Variants in FOXK2 observed in about 807,000 individuals in gnomAD.
FOXK2 encodes forkhead box K2, also known as forkhead box protein K2.
In FOXK2, 24 loss-of-function variants were observed where a neutral mutation model predicts 53.3. The observed-to-expected ratio is 0.45, with a 90% CI of 0.33 to 0.63. FOXK2 has a LOEUF of 0.63. FOXK2 is among the 30% of genes least tolerant of loss of function. FOXK2 has a pLI of 0.03. For missense variants in FOXK2, 952 were observed against 910.5 expected (o/e 1.05, Z -0.59); for synonymous variants, 505 against 407.1 (o/e 1.24, Z -2.89).
chr17:82,543,715 C>G (rs1343135875), intron 1 of FOXK2, among the ~76,000 whole-genome samples: 2 of 150,912 alleles, frequency 1.3e-5, no homozygotes, highest in Non-Finnish European at 2.9e-5. Flanking sequence ...CTCCTGGCCT[C>G]AAGTGATCCT....
In FOXK2 at chr17:82,526,830, C is replaced by CA. The variant is rs140941748; in HGVS notation, c.419+6539dup. Among the ~76,000 whole-genome samples the CA allele has an allele frequency of 2.1e-3, 259 of 121,378 alleles. 2 individuals are homozygous for CA. In the East Asian group the frequency reaches 0.021, roughly 10 times the overall value. The allele number at this position is 121,378 out of a possible 152,430, so 79.6% of individuals were successfully genotyped here. On this transcript the variant is annotated intron_variant, in intron 1 of 8. Coordinates refer to ENST00000335255, the MANE Select transcript of FOXK2 (RefSeq NM_004514.4). ...TGGGCGACAGAGCGAGACTCCGTCT[C>CA]AAAAAAAAAAAAAAAAGAAAGAAAT...
At chr17:82,520,553 C>T (rs2044351057) in intron 1 of FOXK2, among the ~76,000 whole-genome samples, 2 of 152,216 alleles carry the variant, frequency 1.3e-5, no homozygotes, top group Non-Finnish European at 2.9e-5. Context: ...TTCCTGGAGC[C>T]GGGGCTGCGG....
intron 8 of FOXK2, chr17:82,601,084 G>T: frequency 2.0e-6 from 1 of 498,350 alleles, no homozygotes; most frequent in South Asian, 3.8e-5. Context: ...GGGTCCCAAG[G>T]GCCCAGCCCA....
intron 6 of FOXK2, among the ~76,000 whole-genome samples, chr17:82,584,827 C>G (rs1387048387): frequency 1.3e-5 from 2 of 152,210 alleles, no homozygotes; most frequent in African/African-American, 2.4e-5. Context: ...GCTGGGCGTA[C>G]AGGCGTGAGC....
intron 3 of FOXK2, among the ~76,000 whole-genome samples, chr17:82,571,267 C>T (rs1208886279): frequency 2.0e-5 from 3 of 152,102 alleles, no homozygotes; most frequent in African/African-American, 7.2e-5. Context: ...CCATTTGTTT[C>T]CTCCATGTTT....
intron 3 of FOXK2, among the ~76,000 whole-genome samples, chr17:82,568,501 T>C (rs1196940402): frequency 2.6e-5 from 4 of 152,206 alleles, no homozygotes; most frequent in Non-Finnish European, 5.9e-5. Flanking sequence ...GTGGAGCTCA[T>C]GTGTGTTTGT....
rs767228920 is a variant in FOXK2 at position 82,586,152 on chromosome 17, C to A, written c.1528C>A (p.Pro510Thr). ...GGTCACCCCGGCAGCCGTGCTGGCC[C>A]CTCCTAAGGCAGAGGCCCAGGAGAA... ...AVVTPAAVLA[P>T]PKAEAQENGD... Residue 510 changes from proline (P) to threonine (T), a missense_variant, in exon 7 of 9, where the codon CCT becomes ACT. Around this residue, in one of 5 missense-constraint regions of FOXK2, gnomAD observed 551 missense variants for 385.1 expected, o/e 1.43. Transcript: ENST00000335255. 7.4e-6 allele frequency: 12 copies of A among 1,611,982 alleles called. No homozygotes were observed. The highest frequency in any genetic ancestry group is 4.0e-5 in the African/African-American group (3 of 74,750).
chr17:82,585,765 T>C (rs2045130432), intron 6 of FOXK2, 139 bp from the exon 7 acceptor site: 1 of 798,072 alleles, frequency 1.3e-6, no homozygotes, highest in East Asian at 2.7e-5. Context: ...TTAGTAACTT[T>C]ACTATTGTGA....
chr17:82,539,965 C>CAA (rs56214001), intron 1 of FOXK2, among the ~76,000 whole-genome samples: 6 of 119,980 alleles, frequency 5.0e-5, no homozygotes, highest in Admixed American at 8.8e-5. Flanking sequence ...GACTCCATCT[C>CAA]AAAAAAAAAA....
intron 4 of FOXK2, among the ~76,000 whole-genome samples, chr17:82,580,042 A>G (rs2045040117): frequency 1.9e-5 from 2 of 106,002 alleles, no homozygotes; most frequent in South Asian, 3.8e-4. Flanking sequence ...AAGTAGCTCC[A>G]TCCACAGGGC....
At chr17:82,538,409 C>T (rs559104679) in intron 1 of FOXK2, among the ~76,000 whole-genome samples, 9 of 152,304 alleles carry the variant, frequency 5.9e-5, no homozygotes, top group South Asian at 2.1e-4. Context: ...CACTTGAGCC[C>T]GGGAAGTTGA....
intron 3 of FOXK2, among the ~76,000 whole-genome samples, chr17:82,570,951 C>T (rs531055163): frequency 5.3e-5 from 8 of 152,276 alleles, no homozygotes; most frequent in East Asian, 1.9e-4. Flanking sequence ...TGGGGCTCTT[C>T]GTGGGCCAGG....
At chr17:82,531,300 A>G (rs28454733) in intron 1 of FOXK2, among the ~76,000 whole-genome samples, 32,561 of 152,132 alleles carry the variant, frequency 0.21, 3,862 homozygotes, top group East Asian at 0.39. Flanking sequence ...CTACTGTACC[A>G]TAGGAAACCA....
chr17:82,572,429 C>T (rs1235301639), intron 4 of FOXK2, among the ~76,000 whole-genome samples: 1 of 152,112 alleles, frequency 6.6e-6, no homozygotes, highest in Admixed American at 6.5e-5. Context: ...CCCGGGGCTA[C>T]CCCCAAGAGA....
At position 82,584,182 on chromosome 17, in the gene FOXK2, G is replaced by A. The variant is rs769418037; in HGVS notation, c.1273G>A (p.Ala425Thr). ...VIQEARFAQS[A>T]PGSPLSSQPV... ...CCAGGAAGCCCGGTTTGCCCAGAGC[G>A]CCCCAGGTGAGACAGCGGGAGAGGA... The change falls in exon 6 of 9, where the codon GCC becomes ACC. Residue 425 changes from alanine to threonine, a missense_variant. By Grantham distance (58) the Ala-to-Thr change is moderately conservative. This residue lies in a region of FOXK2 where 551 missense variants were observed against 385.1 expected (regional missense o/e 1.43). Transcript: ENST00000335255. 8 of 1,594,306 alleles carry A rather than the reference G, an allele frequency of 5.0e-6. No individual in the cohort carries two copies. Among genetic ancestry groups the A allele is most frequent in the African/African-American group, 2.7e-5 (2 of 74,566 alleles).
intron 8 of FOXK2, among the ~76,000 whole-genome samples, chr17:82,588,061 C>G (rs554181240): frequency 1.3e-5 from 2 of 152,276 alleles, no homozygotes; most frequent in Admixed American, 6.5e-5. Context: ...CCGAACGCTA[C>G]GAACAGAGAC....
intron 1 of FOXK2, among the ~76,000 whole-genome samples, chr17:82,555,629 A>T (rs2144100332): frequency 1.3e-5 from 2 of 152,126 alleles, no homozygotes; most frequent in African/African-American, 4.8e-5. Context: ...TCACGCCTGT[A>T]ATCCCAGCAC....
At chr17:82,565,223 A>C (rs1398142759) in intron 2 of FOXK2, among the ~76,000 whole-genome samples, 1 of 152,224 alleles carries the variant, frequency 6.6e-6, no homozygotes, top group Non-Finnish European at 1.5e-5. Context: ...TAAAATTCTT[A>C]GAAGAAAACA....
chr17:82,557,743 G>T (rs2044746851), intron 1 of FOXK2, among the ~76,000 whole-genome samples: 1 of 152,154 alleles, frequency 6.6e-6, no homozygotes, highest in South Asian at 2.1e-4. Flanking sequence ...CAAACTCCCA[G>T]GGTCAAGCAA....
Sources: gnomAD v4.1 joint callset for allele counts (sites outside exome capture counted in the v4.1 genomes callset) on GRCh38, gnomAD v4.1.1 for gene constraint, gnomAD v4.1.1 regional missense constraint, MANE v1.5 for transcripts, NCBI Gene and HGNC (gene_info 2026-07-23, HGNC 2026-07-21) for gene names.